PTPRT: variants seen among roughly 807,000 people sequenced by gnomAD.
PTPRT encodes the protein protein tyrosine phosphatase receptor type T, also known as receptor-type tyrosine-protein phosphatase T.
PTPRT carries 56 observed loss-of-function variants against 176.8 expected under a neutral mutation model. That is an observed-to-expected ratio of 0.32 (90% CI 0.26 to 0.40). The LOEUF is 0.40. Among genes scored for constraint, PTPRT ranks in the 10% least tolerant of loss-of-function variants. The pLI is 1.00. For missense variants in PTPRT, 1,540 were observed against 1,908.2 expected (o/e 0.81, Z 3.60); for synonymous variants, 783 against 739.0 (o/e 1.06, Z -0.96).
At chr20:43,183,011 C>T (rs930115135) in intron 1 of PTPRT, among the ~76,000 whole-genome samples, 1 of 152,136 alleles carries the variant, frequency 6.6e-6, no homozygotes, top group Non-Finnish European at 1.5e-5. Flanking sequence ...AAAAGTTATT[C>T]GTGTCTTTAA....
the PTPRT span, among the ~76,000 whole-genome samples, chr20:42,047,263 AG>A: frequency 6.6e-6 from 1 of 152,194 alleles, no homozygotes; most frequent in African/African-American, 2.4e-5. Context: ...GGTAGGAGAT[AG>A]CTAGGCTCAG....
At chr20:42,755,112 G>C (rs556626805) in intron 6 of PTPRT, among the ~76,000 whole-genome samples, 1 of 152,176 alleles carries the variant, frequency 6.6e-6, no homozygotes, top group Non-Finnish European at 1.5e-5. Flanking sequence ...AGGAAGGGAG[G>C]TGTGGGCGGG....
chr20:42,622,843 G>A (rs898001798), intron 7 of PTPRT, among the ~76,000 whole-genome samples: 19 of 152,146 alleles, frequency 1.2e-4, no homozygotes, highest in South Asian at 8.3e-4. Context: ...GGCAGTTCCC[G>A]GGCAAAGGCC....
At chr20:42,223,435 A>G (rs2055932189) in intron 15 of PTPRT, among the ~76,000 whole-genome samples, 1 of 152,222 alleles carries the variant, frequency 6.6e-6, no homozygotes, top group Admixed American at 6.5e-5. Flanking sequence ...TCTTTTCGCT[A>G]CAATGCTGCT....
At chr20:43,068,687 T>C (rs1266881318) in intron 1 of PTPRT, among the ~76,000 whole-genome samples, 2 of 151,870 alleles carry the variant, frequency 1.3e-5, no homozygotes, top group East Asian at 1.9e-4. Flanking sequence ...GGAGGCAGTA[T>C]TGCCATGAGA....
intron 1 of PTPRT, among the ~76,000 whole-genome samples, chr20:43,187,504 T>C (rs1194393559): frequency 6.6e-6 from 1 of 151,866 alleles, no homozygotes; most frequent in Admixed American, 6.6e-5. Context: ...GATGGTCTAG[T>C]TGCCGTTAAA....
intron 7 of PTPRT, among the ~76,000 whole-genome samples, chr20:42,517,727 G>C (rs2072095870): frequency 6.6e-6 from 1 of 151,888 alleles, no homozygotes; most frequent in African/African-American, 2.4e-5. Flanking sequence ...AATTTTCACT[G>C]TGATTTCTCC....
chr20:43,037,649 GT>G (rs371756335), intron 1 of PTPRT, among the ~76,000 whole-genome samples: 8 of 151,420 alleles, frequency 5.3e-5, no homozygotes, highest in Admixed American at 1.3e-4. Flanking sequence ...TCTGAAACCT[GT>G]TTTTTTTTGT....
intron 1 of PTPRT, among the ~76,000 whole-genome samples, chr20:43,110,826 C>G (rs1486550367): frequency 6.6e-6 from 1 of 152,072 alleles, no homozygotes; most frequent in Non-Finnish European, 1.5e-5. Context: ...AGTCAAGAGA[C>G]ACCTGTATTT....
chr20:42,451,244 G>A lies in PTPRT; in HGVS notation c.1451-2915C>T, dbSNP rs183554883. 1.1e-3 allele frequency among the ~76,000 whole-genome samples: 164 copies of A among 152,258 alleles called. 3 individuals are homozygous for A. Among genetic ancestry groups the A allele is most frequent in the African/African-American group, 3.8e-3 (158 of 41,548 alleles). On this transcript the variant is annotated intron_variant, in intron 8 of 30. Coordinates refer to ENST00000373187, the MANE Select transcript of PTPRT (RefSeq NM_007050.6). ...GGTGGTGATAGATAAGGGTGAAGGA[G>A]GGAAGGGATGTGTCATGGAGAACTG...
At chr20:42,637,112 AC>A (rs2074620231) in intron 7 of PTPRT, among the ~76,000 whole-genome samples, 1 of 152,188 alleles carries the variant, frequency 6.6e-6, no homozygotes, top group African/African-American at 2.4e-5. Context: ...GCTGGATGCC[AC>A]CCCCAGAGTT....
chr20:42,085,138 G>C (rs1170865110), intron 28 of PTPRT, among the ~76,000 whole-genome samples: 1 of 152,170 alleles, frequency 6.6e-6, no homozygotes, highest in African/African-American at 2.4e-5. Context: ...GTTGGGCAGA[G>C]TTTTTTCTCC....
intron 6 of PTPRT, among the ~76,000 whole-genome samples, chr20:42,725,952 A>T (rs1427056303): frequency 1.3e-5 from 2 of 152,054 alleles, no homozygotes; most frequent in East Asian, 3.9e-4. Flanking sequence ...ATAAATTGGT[A>T]TAATTTGCCC....
chr20:42,827,522 A>G (rs1606160), intron 2 of PTPRT, among the ~76,000 whole-genome samples: 14,749 of 152,208 alleles, frequency 0.097, 787 homozygotes, highest in African/African-American at 0.14. Context: ...CAAAGATACA[A>G]CATACCAGAA....
intron 1 of PTPRT, among the ~76,000 whole-genome samples, chr20:43,161,615 C>G (rs2014700981): frequency 6.6e-6 from 1 of 152,152 alleles, no homozygotes; most frequent in African/African-American, 2.4e-5. Flanking sequence ...GCCAAGGAAC[C>G]AAGCAGAGCT....
At chr20:42,890,028 A>G (rs1455247240) in intron 1 of PTPRT, among the ~76,000 whole-genome samples, 2 of 152,188 alleles carry the variant, frequency 1.3e-5, no homozygotes, top group Non-Finnish European at 2.9e-5. Flanking sequence ...TCAGACAAGA[A>G]TTTCTCTGCA....
intron 6 of PTPRT, among the ~76,000 whole-genome samples, chr20:42,742,306 C>G (rs536455451): frequency 3.9e-5 from 6 of 152,234 alleles, no homozygotes; most frequent in African/African-American, 1.4e-4. Context: ...TCTAAGCCAT[C>G]AAGGCGAGAA....
chr20:42,690,467 C>A (rs954387854), intron 6 of PTPRT, among the ~76,000 whole-genome samples: 4 of 152,046 alleles, frequency 2.6e-5, no homozygotes, highest in Non-Finnish European at 5.9e-5. Flanking sequence ...GGTTGGGAGA[C>A]TGAAAGGACA....
At chr20:42,203,460 C>T (rs980315904) in intron 15 of PTPRT, among the ~76,000 whole-genome samples, 2 of 152,116 alleles carry the variant, frequency 1.3e-5, no homozygotes, top group African/African-American at 2.4e-5. Flanking sequence ...CATCAACTAC[C>T]TCCTCCCACC....
Sources: allele counts gnomAD v4.1 joint callset (sites outside exome capture counted in the v4.1 genomes callset), GRCh38; gene constraint gnomAD v4.1.1; transcripts MANE v1.5; gene names NCBI Gene and HGNC (gene_info 2026-07-23, HGNC 2026-07-21).